The following ASTN1 variants were observed in gnomAD, a reference collection of about 807,000 sequenced individuals.
The protein encoded by ASTN1 is astrotactin 1.
Under a neutral mutation model 140.7 loss-of-function variants are expected in ASTN1, and 41 were observed. The observed-to-expected ratio is 0.29, with a 90% CI of 0.23 to 0.38. The LOEUF (loss-of-function observed/expected upper bound fraction) is 0.38, where lower values mean the gene tolerates loss of function less well. Ranked by LOEUF, ASTN1 falls within the 10% of genes least tolerant of loss-of-function variation. The pLI, the probability that ASTN1 is intolerant of heterozygous loss-of-function variation, is 1.00. For missense variants in ASTN1, 1,479 were observed against 1,678.8 expected, an observed-to-expected ratio of 0.88 and a Z score of 2.08; for synonymous variants, 640 against 652.2, an observed-to-expected ratio of 0.98 and a Z score of 0.29.
intron 1 of ASTN1, among the ~76,000 whole-genome samples, chr1:177,157,591 G>A (rs1213578178): frequency 6.6e-6 from 1 of 151,928 alleles, no homozygotes; most frequent in African/African-American, 2.4e-5. Context: ...TGGGATTACA[G>A]GTGTGAGCCA....
At chr1:177,157,189 A>T (rs988892840) in intron 1 of ASTN1, among the ~76,000 whole-genome samples, 1 of 152,240 alleles carries the variant, frequency 6.6e-6, no homozygotes, top group Non-Finnish European at 1.5e-5. Context: ...TAACAAATGT[A>T]TCACATTAAT....
In ASTN1 at chr1:177,111,297, GT is replaced by G. The variant is rs369161563; in HGVS notation, c.284-50033del. Among the ~76,000 whole-genome samples, 18 of 150,972 alleles carry G rather than the reference GT, an allele frequency of 1.2e-4. 1 individual carries two copies. Among genetic ancestry groups the G allele is most frequent in the African/African-American group, 3.7e-4 (15 of 41,080 alleles). On this transcript the variant is annotated intron_variant, in intron 1 of 22. Transcript: ENST00000361833. ...AATTCTAGGACTAATTCCAAAGACT[GT>G]TTTTTTTTCCAAAATGCTGCCAATT...
At chr1:177,136,448 G>C (rs750879074) in intron 1 of ASTN1, among the ~76,000 whole-genome samples, 6 of 151,398 alleles carry the variant, frequency 4.0e-5, no homozygotes, top group Admixed American at 2.0e-4. Context: ...CACCTCCCAG[G>C]CTCAAGTGAT....
At chr1:177,003,294 T>C (rs895528193) in intron 8 of ASTN1, among the ~76,000 whole-genome samples, 3 of 145,650 alleles carry the variant, frequency 2.1e-5, no homozygotes, top group South Asian at 2.2e-4. Flanking sequence ...AAAATCACCA[T>C]AGTCGAATGA....
chr1:176,979,338 G>A (rs1246245365), intron 8 of ASTN1, among the ~76,000 whole-genome samples: 12 of 152,106 alleles, frequency 7.9e-5, no homozygotes, highest in Non-Finnish European at 4.4e-5. Flanking sequence ...TCCCTAGAAG[G>A]GGCCTGGCTT....
At position 176,862,870 on chromosome 1, in the gene ASTN1, T is replaced by C; in HGVS notation, c.*1414A>G. ...CAATATAGCTCAATGACTAGCCTTA[T>C]AGGTCTTGCATCTGTTTGCTGACCT... On this transcript the variant is annotated 3_prime_UTR_variant, in exon 23 of 23. Coordinates refer to ENST00000361833, the MANE Select transcript of ASTN1 (RefSeq NM_004319.3). 1 of 985,474 alleles carries C rather than the reference T, an allele frequency of 1.0e-6. No homozygotes were observed. 61.0% of individuals were successfully genotyped at this position (985,474 alleles called of 1,614,324 possible).
At chr1:176,905,751 C>T (rs972038875) in intron 16 of ASTN1, among the ~76,000 whole-genome samples, 10 of 152,130 alleles carry the variant, frequency 6.6e-5, no homozygotes, top group African/African-American at 1.4e-4. Flanking sequence ...AGGCTCTTTT[C>T]ACCTCTCGGT....
intron 8 of ASTN1, among the ~76,000 whole-genome samples, chr1:177,004,349 T>A (rs1405818561): frequency 6.6e-6 from 1 of 152,160 alleles, no homozygotes; most frequent in African/African-American, 2.4e-5. Context: ...ACACCTCCCA[T>A]GCTCATCAAT....
chr1:177,119,752 C>T (rs1194568590), intron 1 of ASTN1, among the ~76,000 whole-genome samples: 1 of 152,114 alleles, frequency 6.6e-6, no homozygotes, highest in East Asian at 1.9e-4. Context: ...CTTCATTTTC[C>T]TCTCCTCCTT....
Position 177,100,095 on chromosome 1 carries a change from A to G in ASTN1, c.284-38830T>C, listed in dbSNP as rs141812594. On this transcript the variant is annotated intron_variant, in intron 1 of 22. Coordinates refer to ENST00000361833, the MANE Select transcript of ASTN1 (RefSeq NM_004319.3). Reference sequence around the variant, plus strand: ...ACTTATTCCTAGGCACCTAATTCCAATTCTAACACATGTTCCATCACACCA... The same window carrying G: ...ACTTATTCCTAGGCACCTAATTCCAGTTCTAACACATGTTCCATCACACCA... Among the ~76,000 whole-genome samples the G allele has an allele frequency of 9.2e-5, 14 of 152,244 alleles. 1 individual carries two copies. The highest frequency in any genetic ancestry group is 1.2e-4 in the African/African-American group (5 of 41,550).
At chr1:176,897,257 A>G (rs1239049598) in intron 16 of ASTN1, among the ~76,000 whole-genome samples, 1 of 145,152 alleles carries the variant, frequency 6.9e-6, no homozygotes, top group East Asian at 2.1e-4. Flanking sequence ...CCTGGGCTAC[A>G]GAGCAAGACT....
intron 16 of ASTN1, among the ~76,000 whole-genome samples, chr1:176,928,356 T>G (rs1192481987): frequency 6.6e-6 from 1 of 152,204 alleles, no homozygotes; most frequent in Admixed American, 6.5e-5. Flanking sequence ...TTTGATTACT[T>G]TAAATAAACT....
At chr1:177,108,472 G>T (rs969836939) in intron 1 of ASTN1, among the ~76,000 whole-genome samples, 2 of 152,112 alleles carry the variant, frequency 1.3e-5, no homozygotes, top group South Asian at 4.1e-4. Flanking sequence ...TTTGTGACTG[G>T]TTTTTTCCAC....
intron 1 of ASTN1, among the ~76,000 whole-genome samples, chr1:177,163,046 T>C (rs1647480440): frequency 6.6e-6 from 1 of 152,064 alleles, no homozygotes; most frequent in African/African-American, 2.4e-5. Flanking sequence ...GGAGTAGGGG[T>C]TTATTCACTC....
intron 1 of ASTN1, 115 bp from the exon 2 acceptor site, chr1:177,061,380 C>T: frequency 2.0e-6 from 2 of 1,016,348 alleles, no homozygotes; most frequent in Non-Finnish European, 2.7e-6. Context: ...ACAGAAGTTT[C>T]CAACAATGTA....
intron 2 of ASTN1, among the ~76,000 whole-genome samples, chr1:177,055,393 G>A (rs1677751370): frequency 6.6e-6 from 1 of 152,240 alleles, no homozygotes; most frequent in Admixed American, 6.5e-5. Flanking sequence ...ACCTTAGTTG[G>A]CACTTGACAT....
chr1:177,111,902 A>C (rs917687790), intron 1 of ASTN1, among the ~76,000 whole-genome samples: 1 of 152,106 alleles, frequency 6.6e-6, no homozygotes, highest in Non-Finnish European at 1.5e-5. Context: ...CCACATCCAC[A>C]GGGGTCGGCA....
At chr1:176,918,171 T>C (rs935650659) in intron 16 of ASTN1, among the ~76,000 whole-genome samples, 2 of 152,074 alleles carry the variant, frequency 1.3e-5, no homozygotes. Context: ...CGGCACCCCC[T>C]ACCCCAACCT....
At chr1:176,987,461 T>A (rs1353713541) in intron 8 of ASTN1, among the ~76,000 whole-genome samples, 1 of 152,188 alleles carries the variant, frequency 6.6e-6, no homozygotes, top group Non-Finnish European at 1.5e-5. Context: ...TCCCCTCTCC[T>A]GCTTAAAATA....
Sources: gnomAD v4.1 joint callset for allele counts (sites outside exome capture counted in the v4.1 genomes callset) on GRCh38, gnomAD v4.1.1 for gene constraint, MANE v1.5 for transcripts, NCBI Gene and HGNC (gene_info 2026-07-23, HGNC 2026-07-21) for gene names.